EREG: variants seen among roughly 807,000 people sequenced by gnomAD.
EREG encodes proepiregulin.
Under a neutral mutation model 22.4 loss-of-function variants are expected in EREG, and 23 were observed. That is an observed-to-expected ratio of 1.03 (90% CI 0.74 to 1.46). The LOEUF (loss-of-function observed/expected upper bound fraction) is 1.46, where lower values mean the gene tolerates loss of function less well. Ranked by LOEUF, EREG falls within the 40% of genes most tolerant of loss-of-function variation. EREG has a pLI of 0.00. For synonymous variants in EREG, 100 were observed against 75.4 expected (o/e 1.33, Z -1.69); for missense variants, 226 against 205.9 (o/e 1.10, Z -0.60).
chr4:74,384,802 A>C lies in EREG; in HGVS notation c.504A>C (p.Gln168His). 6.2e-7 allele frequency: 1 copy of C among 1,608,956 alleles called. No homozygotes were observed. The highest frequency in any genetic ancestry group is 1.3e-5 in the African/African-American group (1 of 74,966). Reference protein sequence around the residue: ...RVTSGDPELPQV With the variant: ...RVTSGDPELPHV The stretch of plus-strand genomic sequence containing the variant: ...CCTCAGGGGATCCAGAGTTGCCGCA[A>C]GTCTGAATGGCGCCATCAAACTTAT... The change falls in exon 5 of 5, where the codon CAA becomes CAC. Residue 168 changes from glutamine to histidine, a missense_variant. By Grantham distance (24) the Gln-to-His change is conservative. Coordinates refer to ENST00000244869, the MANE Select transcript of EREG (RefSeq NM_001432.3).
intron 1 of EREG, among the ~76,000 whole-genome samples, chr4:74,367,471 G>A (rs543556763): frequency 6.6e-6 from 1 of 152,226 alleles, no homozygotes; most frequent in South Asian, 2.1e-4. Flanking sequence ...AAATTTTTAT[G>A]TTGAATTCTG....
At position 74,385,205 on chromosome 4, in the gene EREG, T is replaced by A. The variant is rs1189476621; in HGVS notation, c.*397T>A. 1 of 158,748 alleles carries A rather than the reference T, an allele frequency of 6.3e-6. No individual in the cohort carries two copies. The highest frequency in any genetic ancestry group is 6.3e-5 in the Admixed American group (1 of 15,926). The allele number at this position is 158,748 out of a possible 1,614,324, so 9.8% of individuals were successfully genotyped here. On this transcript the variant is annotated 3_prime_UTR_variant, in exon 5 of 5. Transcript: ENST00000244869. ...ATCGATTTAGTAAGTATGTTTTTTA[T>A]GTTCCTCAAATCAGTGATAATTGGT...
chr4:74,383,648 T>G (rs4694190), intron 4 of EREG, among the ~76,000 whole-genome samples: 124,122 of 152,098 alleles, frequency 0.82, 50,810 homozygotes, highest in African/African-American at 0.86. Flanking sequence ...TTTGAAACAG[T>G]TACAAATTAC....
intron 3 of EREG, 95 bp from the exon 4 acceptor site, chr4:74,382,550 C>A: frequency 1.1e-6 from 1 of 950,794 alleles, no homozygotes; most frequent in Non-Finnish European, 1.6e-6. Flanking sequence ...TGATTTCTTG[C>A]ATTACAGTGT....
rs199564770 is a variant in EREG, at chr4:74,370,609, T to TTG, written c.67+5251_67+5252dup. Among the ~76,000 whole-genome samples, 16 of 151,676 alleles carry TTG rather than the reference T, an allele frequency of 1.1e-4. No individual in the cohort carries two copies. The East Asian group carries it at 1.2e-3, about 11-fold the overall frequency. On this transcript the variant is annotated intron_variant, in intron 1 of 4. Coordinates refer to ENST00000244869, the MANE Select transcript of EREG (RefSeq NM_001432.3). ...ATTATTCAGTATTAACTGAAGATAT[T>TTG]TGTGTGTGTGTGTGTGTGAGAGAGA...
At chr4:74,383,138 C>A (rs1434373499) in intron 4 of EREG, among the ~76,000 whole-genome samples, 4 of 152,130 alleles carry the variant, frequency 2.6e-5, no homozygotes, top group Non-Finnish European at 5.9e-5. Flanking sequence ...ACCTATGTGA[C>A]CTTACATAAG....
intron 1 of EREG, among the ~76,000 whole-genome samples, chr4:74,376,379 GT>G (rs1473332936): frequency 6.6e-6 from 1 of 152,222 alleles, no homozygotes; most frequent in Non-Finnish European, 1.5e-5. Context: ...GAATAGGAAT[GT>G]CAAGGATGTA....
chr4:74,372,329 G>A (rs943078811), intron 1 of EREG, among the ~76,000 whole-genome samples: 2 of 152,160 alleles, frequency 1.3e-5, no homozygotes, highest in Non-Finnish European at 2.9e-5. Context: ...ATCTTTAATG[G>A]ATTCCCTTTC....
intron 4 of EREG, among the ~76,000 whole-genome samples, chr4:74,383,357 A>G (rs1752512307): frequency 6.6e-6 from 1 of 152,188 alleles, no homozygotes; most frequent in African/African-American, 2.4e-5. Context: ...TTGTAAATTA[A>G]TAACCTTAGA....
rs1226910580 is a variant in EREG, at chr4:74,388,032, A to G, written c.*3224A>G. ...GTCAAAGTGATGGGAGAATTGGTAT[A>G]CTGGTATGACTACGTCTTAAGTCAG... is the stretch of plus-strand genomic sequence containing the variant. On this transcript the variant is annotated 3_prime_UTR_variant, in exon 5 of 5. Transcript: ENST00000244869. 1 of 152,210 alleles carries G rather than the reference A, an allele frequency of 6.6e-6. No individual in the cohort carries two copies. Among genetic ancestry groups the G allele is most frequent in the African/African-American group, 2.4e-5 (1 of 41,460 alleles). 9.4% of individuals were successfully genotyped at this position (152,210 alleles called of 1,614,324 possible).
rs1752573613 is a variant in EREG at position 74,386,648 on chromosome 4, T to C, written c.*1840T>C. The C allele has an allele frequency of 6.6e-6, 1 of 152,160 alleles. No individual in the cohort carries two copies. The highest frequency in any genetic ancestry group is 6.5e-5 in the Admixed American group (1 of 15,280). 9.4% of individuals were successfully genotyped at this position (152,160 alleles called of 1,614,324 possible). ...CTATTTAATACAGCTGAAGTCAAAA[T>C]ATGTAAGAACACATTTTAAATACTC... On this transcript the variant is annotated 3_prime_UTR_variant, in exon 5 of 5. Coordinates refer to ENST00000244869, the MANE Select transcript of EREG (RefSeq NM_001432.3).
rs1172826097 is a variant in EREG at position 74,387,182 on chromosome 4, G to A, written c.*2374G>A. 6.6e-6 allele frequency: 1 copy of A among 152,116 alleles called. No homozygotes were observed. The highest frequency in any genetic ancestry group is 2.4e-5 in the African/African-American group (1 of 41,396). The allele number at this position is 152,116 out of a possible 1,614,324, so 9.4% of individuals were successfully genotyped here. ...GCAAGCACTATGCCCTTTTATATAA[G>A]TGACTTGAACATCTGTGCCCGATTT... On this transcript the variant is annotated 3_prime_UTR_variant, in exon 5 of 5. Coordinates refer to ENST00000244869, the MANE Select transcript of EREG (RefSeq NM_001432.3).
intron 1 of EREG, among the ~76,000 whole-genome samples, chr4:74,375,639 T>C (rs1338187579): frequency 6.6e-6 from 1 of 152,122 alleles, no homozygotes; most frequent in Non-Finnish European, 1.5e-5. Flanking sequence ...TGACCAGCGA[T>C]TCTTAAGGTT....
Position 74,382,700 on chromosome 4 carries a change from C to T in EREG, c.334C>T (p.Gln112Ter). 1 of 1,613,258 alleles carries T rather than the reference C, an allele frequency of 6.2e-7. No individual in the cohort carries two copies. Residue 112 changes from glutamine to a stop codon, truncating the protein, a stop_gained, in exon 4 of 5, where the codon CAA (glutamine) becomes TAA (stop). Transcript: ENST00000244869. LOFTEE classifies it high-confidence loss of function. ...TGAACACTTCTTTTTAACCGTCCACCAACCTTTAAGCAAAGAATATGTGGC... is the reference window on the plus strand; with the variant it reads ...TGAACACTTCTTTTTAACCGTCCACTAACCTTTAAGCAAAGAATATGTGGC... The part of the protein sequence containing the change: ...RCEHFFLTVH[Q>*]PLSKEYVALT...
intron 1 of EREG, among the ~76,000 whole-genome samples, chr4:74,366,238 G>A (rs1173158642): frequency 6.6e-6 from 1 of 151,918 alleles, no homozygotes; most frequent in African/African-American, 2.4e-5. Flanking sequence ...GTTTGAAGTC[G>A]TATATGAATA....
chr4:74,376,015 C>T (rs1752377108), intron 1 of EREG, among the ~76,000 whole-genome samples: 2 of 152,162 alleles, frequency 1.3e-5, no homozygotes, highest in Non-Finnish European at 2.9e-5. Context: ...TAAGGAAAGT[C>T]CAGTCTTTGT....
At position 74,380,442 on chromosome 4, in the gene EREG, C is replaced by T. The variant is rs564497743; in HGVS notation, c.155-572C>T. ...TTATTTGTCTACCAGAGGCCTTTCTCACTCAGGGTTTGTCTAGTTTGGATT... is the reference window on the plus strand; with the variant it reads ...TTATTTGTCTACCAGAGGCCTTTCTTACTCAGGGTTTGTCTAGTTTGGATT... On this transcript the variant is annotated intron_variant, in intron 2 of 4. Coordinates refer to ENST00000244869, the MANE Select transcript of EREG (RefSeq NM_001432.3). Among the ~76,000 whole-genome samples the T allele has an allele frequency of 5.8e-4, 89 of 152,270 alleles. No individual in the cohort carries two copies. In the Middle Eastern group the frequency reaches 0.014, roughly 23 times the overall value.
intron 1 of EREG, among the ~76,000 whole-genome samples, chr4:74,368,428 T>A (rs1043870727): frequency 6.6e-6 from 1 of 152,192 alleles, no homozygotes; most frequent in African/African-American, 2.4e-5. Context: ...AGAGGGTAAC[T>A]TATGTCTGTT....
At chr4:74,374,992 C>A (rs1470036814) in intron 1 of EREG, among the ~76,000 whole-genome samples, 1 of 152,142 alleles carries the variant, frequency 6.6e-6, no homozygotes, top group East Asian at 1.9e-4. Context: ...GTTTACAGAT[C>A]ATCTGTGTTA....
Sources: gnomAD v4.1 joint callset for allele counts (sites outside exome capture counted in the v4.1 genomes callset) on GRCh38, gnomAD v4.1.1 for gene constraint, MANE v1.5 for transcripts, NCBI Gene and HGNC (gene_info 2026-07-23, HGNC 2026-07-21) for gene names.